Variants in FABP6 observed in about 807,000 individuals in gnomAD.
FABP6 encodes the protein fatty acid binding protein 6.
In FABP6, 13 loss-of-function variants were observed where a neutral mutation model predicts 14.9. The ratio of observed to expected loss-of-function variants is 0.87; its 90% CI spans 0.57 to 1.39. The LOEUF (loss-of-function observed/expected upper bound fraction) is 1.39. Among genes scored for constraint, FABP6 ranks in the 40% most tolerant of loss-of-function variants. The probability of loss-of-function intolerance (pLI) is 0.00; values close to 1 mark genes in which losing one functional copy is unlikely to be tolerated. For synonymous variants in FABP6, 75 were observed against 63.6 expected (o/e 1.18, Z -0.85); for missense variants, 161 against 167.2 (o/e 0.96, Z 0.20).
intron 3 of FABP6, among the ~76,000 whole-genome samples, chr5:160,214,121 TTCTTTC>T (rs1206581087): frequency 2.1e-5 from 3 of 145,652 alleles, no homozygotes; most frequent in African/African-American, 7.8e-5. Flanking sequence ...CTTTCTTTCT[TTCTTTC>T]TTTCTTTCTT....
intron 2 of FABP6, 38 bp downstream of exon 2, chr5:160,232,311 C>A: frequency 6.5e-7 from 1 of 1,535,758 alleles, no homozygotes; most frequent in Non-Finnish European, 8.8e-7. Context: ...TTCCCCAGGC[C>A]TCCATCTGAC....
chr5:160,210,926 A>T (rs558603099), intron 2 of FABP6, among the ~76,000 whole-genome samples: 2 of 152,264 alleles, frequency 1.3e-5, no homozygotes, highest in South Asian at 2.1e-4. Context: ...CAGTGGCAGG[A>T]GAGGGGGCAA....
At chr5:160,234,599 G>C (rs1483430668) in intron 2 of FABP6, among the ~76,000 whole-genome samples, 1 of 151,878 alleles carries the variant, frequency 6.6e-6, no homozygotes, top group Non-Finnish European at 1.5e-5. Flanking sequence ...GCTACTTTTT[G>C]TATTTTTAGT....
At chr5:160,193,877 G>A (rs1204005760) in intron 1 of FABP6, among the ~76,000 whole-genome samples, 1 of 152,264 alleles carries the variant, frequency 6.6e-6, no homozygotes, top group Non-Finnish European at 1.5e-5. Flanking sequence ...CTGCCTGCCA[G>A]TCACGCGCCA....
Position 160,238,629 on chromosome 5 carries a change from C to G in FABP6, c.357C>G (p.Thr119=). 1 of 1,614,054 alleles carries G rather than the reference C, an allele frequency of 6.2e-7. No homozygotes were observed. The highest frequency in any genetic ancestry group is 8.5e-7 in the Non-Finnish European group (1 of 1,179,948). The change falls in exon 4 of 4, where the codon ACC becomes ACG. Residue 119 remains threonine (T), a synonymous_variant. Coordinates refer to ENST00000402432, the MANE Select transcript of FABP6 (RefSeq NM_001445.3). ...LVEVSTIGGV[T]YERVSKRLA The stretch of plus-strand genomic sequence containing the variant: ...AGGTCTCCACCATCGGAGGCGTGAC[C>G]TATGAGCGCGTGAGCAAGAGACTGG...
At chr5:160,193,935 G>A (rs1010576044) in intron 1 of FABP6, among the ~76,000 whole-genome samples, 7 of 152,250 alleles carry the variant, frequency 4.6e-5, no homozygotes, top group Non-Finnish European at 8.8e-5. Context: ...ACTGGGCGCC[G>A]TGGGGCAGGG....
At chr5:160,193,803 C>T (rs970415305) in intron 1 of FABP6, among the ~76,000 whole-genome samples, 3 of 152,262 alleles carry the variant, frequency 2.0e-5, no homozygotes, top group Admixed American at 6.5e-5. Context: ...CTCCACCTCC[C>T]CACCAGACTC....
downstream of FABP6, chr5:160,238,719 C>T (rs10071871): frequency 0.93 from 1,426,371 of 1,538,618 alleles, 663,701 homozygotes; most frequent in East Asian, 1. Flanking sequence ...TAAGGACAGA[C>T]GCTGCTCGCT....
intron 3 of FABP6, among the ~76,000 whole-genome samples, chr5:160,222,192 A>G (rs1372468651): frequency 6.6e-6 from 1 of 150,910 alleles, no homozygotes; most frequent in African/African-American, 2.4e-5. Flanking sequence ...TCCCAGGTGT[A>G]AGTGATCCTC....
chr5:160,213,345 G>A (rs969115650), intron 2 of FABP6, among the ~76,000 whole-genome samples: 4 of 152,254 alleles, frequency 2.6e-5, no homozygotes, highest in Admixed American at 2.0e-4. Context: ...GCAGGGACAA[G>A]AGAATCCATT....
At chr5:160,224,621 T>C (rs1029374586), upstream of FABP6, among the ~76,000 whole-genome samples, 28 of 152,058 alleles carry the variant, frequency 1.8e-4, no homozygotes, top group African/African-American at 6.5e-4. Context: ...GGAAAAGTTT[T>C]TGGAGGAAAT....
intron 2 of FABP6, among the ~76,000 whole-genome samples, chr5:160,233,871 CAAAAAAAGAAAAAA>C (rs2113145784): frequency 2.2e-5 from 2 of 92,656 alleles, no homozygotes; most frequent in African/African-American, 7.8e-5. Flanking sequence ...GGCTCCGTCT[CAAAAAAAGAAAAAA>C]AAAAAAAGAA....
At chr5:160,235,773 TTCTC>T (rs141776542) in intron 3 of FABP6, among the ~76,000 whole-genome samples, 52 of 150,312 alleles carry the variant, frequency 3.5e-4, no homozygotes, top group South Asian at 3.0e-3. Flanking sequence ...TCTTTGATCC[TTCTC>T]TCTCTCTCTC....
upstream of FABP6, among the ~76,000 whole-genome samples, chr5:160,224,975 T>A (rs1366204091): frequency 1.3e-5 from 2 of 151,934 alleles, no homozygotes; most frequent in African/African-American, 4.8e-5. Context: ...GACAGGGTTT[T>A]TGACATGTTG....
chr5:160,205,130 G>C (rs182319834), intron 2 of FABP6, among the ~76,000 whole-genome samples: 342 of 152,134 alleles, frequency 2.2e-3, no homozygotes, highest in Non-Finnish European at 4.2e-3. Flanking sequence ...TTTTGGCAGA[G>C]TTATGATAAG....
upstream of FABP6, among the ~76,000 whole-genome samples, chr5:160,224,930 G>A (rs962594302): frequency 6.6e-6 from 1 of 151,236 alleles, no homozygotes; most frequent in Non-Finnish European, 1.5e-5. Context: ...GGCACGTGCC[G>A]TCATGCCTAG....
At chr5:160,234,628 C>T (rs557777476) in intron 2 of FABP6, among the ~76,000 whole-genome samples, 192 bp from the exon 3 acceptor site, 85 of 152,058 alleles carry the variant, frequency 5.6e-4, no homozygotes, top group South Asian at 3.5e-3. Context: ...GGTTTCACCA[C>T]GTTGGCCAGG....
At chr5:160,230,835 C>T (rs1218118580) in intron 1 of FABP6, among the ~76,000 whole-genome samples, 1 of 152,176 alleles carries the variant, frequency 6.6e-6, no homozygotes, top group Non-Finnish European at 1.5e-5. Context: ...AGCATGGAGA[C>T]CAGGTTTGAC....
At chr5:160,234,969 G>A in intron 3 of FABP6, 60 bp downstream of exon 3, 1 of 1,502,942 alleles carries the variant, frequency 6.7e-7, no homozygotes, top group Admixed American at 1.8e-5. Flanking sequence ...CTTGGCCACA[G>A]CCCCTCAGAA....
Sources: allele counts gnomAD v4.1 joint callset (sites outside exome capture counted in the v4.1 genomes callset), GRCh38; gene constraint gnomAD v4.1.1; transcripts MANE v1.5; gene names NCBI Gene and HGNC (gene_info 2026-07-23, HGNC 2026-07-21).